Variants in AGO4 observed in about 807,000 individuals in gnomAD.
The protein encoded by AGO4 is protein argonaute-4.
AGO4 carries 33 observed loss-of-function variants against 104.7 expected under a neutral mutation model. That is an observed-to-expected ratio of 0.32 (90% CI 0.24 to 0.42). The LOEUF (loss-of-function observed/expected upper bound fraction) is 0.42. Ranked by LOEUF, AGO4 falls within the 10% of genes least tolerant of loss-of-function variation. AGO4 has a pLI of 1.00. For missense variants in AGO4, 711 were observed against 1,083.4 expected, an observed-to-expected ratio of 0.66 and a Z score of 4.83; for synonymous variants, 331 against 364.7, an observed-to-expected ratio of 0.91 and a Z score of 1.05.
chr1:35,852,582 C>T (rs1447175341), intron 17 of AGO4, among the ~76,000 whole-genome samples: 2 of 152,188 alleles, frequency 1.3e-5, no homozygotes, highest in African/African-American at 4.8e-5. Flanking sequence ...ATTCATTCAA[C>T]TAATGGTTTA....
intron 13 of AGO4, among the ~76,000 whole-genome samples, chr1:35,837,339 C>T (rs1644337089): frequency 6.6e-6 from 1 of 151,512 alleles, no homozygotes; most frequent in Non-Finnish European, 1.5e-5. Context: ...CTACCTCAGC[C>T]TCCCAAAGTG....
rs752929980 is a variant in AGO4 at position 35,825,279 on chromosome 1, A to T, written c.307-34A>T. On this transcript the variant is annotated intron_variant, in intron 3 of 17. Coordinates refer to ENST00000373210, the MANE Select transcript of AGO4 (RefSeq NM_017629.4). ...GATCTTTCCCACAGCCATTGTAAAC[A>T]TTTGTGTTTGTATTCATGTATTTTT... 2.5e-6 allele frequency: 4 copies of T among 1,601,000 alleles called. No homozygotes were observed. In the South Asian group the frequency reaches 4.4e-5, roughly 18 times the overall value.
At chr1:35,843,719 C>T (rs1036668094) in intron 15 of AGO4, among the ~76,000 whole-genome samples, 8 of 152,144 alleles carry the variant, frequency 5.3e-5, no homozygotes, top group Non-Finnish European at 1.0e-4. Context: ...TCTTGCCTGA[C>T]CTCTGGGCAC....
chr1:35,822,817 C>A (rs373881021), intron 2 of AGO4, 45 bp from the exon 3 acceptor site: 103 of 1,608,300 alleles, frequency 6.4e-5, no homozygotes, highest in Middle Eastern at 5.0e-4. Context: ...TCTTACTGTT[C>A]ACCATTTCTG....
In AGO4 at chr1:35,855,696, A is replaced by G. The variant is rs185979298; in HGVS notation, c.*2091A>G. ...GCAAATACCTCACTTGGATAATACA[A>G]ATCAGGACATGTTGGTGAGGGGCTG... On this transcript the variant is annotated 3_prime_UTR_variant, in exon 18 of 18. Coordinates refer to ENST00000373210, the MANE Select transcript of AGO4 (RefSeq NM_017629.4). 1 of 151,592 alleles carries G rather than the reference A, an allele frequency of 6.6e-6. No homozygotes were observed. The highest frequency in any genetic ancestry group is 2.4e-5 in the African/African-American group (1 of 41,260). The allele number at this position is 151,592 out of a possible 1,614,324, so 9.4% of individuals were successfully genotyped here.
At chr1:35,817,164 GTTTCTTAATAGCAGGT>G in intron 2 of AGO4, 117 bp downstream of exon 2, 1 of 1,119,346 alleles carries the variant, frequency 8.9e-7, no homozygotes, top group Non-Finnish European at 1.2e-6. Context: ...AAGATGATAG[GTTTCTTAATAGCAGGT>G]TTGCTGTCTC....
At chr1:35,844,663 C>T (rs1644526025) in intron 15 of AGO4, among the ~76,000 whole-genome samples, 1 of 152,164 alleles carries the variant, frequency 6.6e-6, no homozygotes, top group African/African-American at 2.4e-5. Context: ...TGCCCCCATC[C>T]TGTGCTTTCA....
chr1:35,825,840 A>G lies in AGO4; in HGVS notation c.625+25A>G, dbSNP rs372001765. On this transcript the variant is annotated intron_variant, in intron 5 of 17. Coordinates refer to ENST00000373210, the MANE Select transcript of AGO4 (RefSeq NM_017629.4). ...GGTAGGATGGAACTCTCTTTATCCA[A>G]TAACTCTTTGGGCTGGTTTTTGTTT... 1.3e-4 allele frequency: 206 copies of G among 1,590,334 alleles called. 2 individuals are homozygous for G. The highest frequency in any genetic ancestry group is 1.7e-4 in the Non-Finnish European group (194 of 1,169,096).
rs976296102 is a variant in AGO4 at position 35,841,815 on chromosome 1, T to C, written c.2175+65T>C. On this transcript the variant is annotated intron_variant, in intron 15 of 17. Coordinates refer to ENST00000373210, the MANE Select transcript of AGO4 (RefSeq NM_017629.4). This position sits in a 1 kb window ranked among gnomAD's most constrained non-coding sequence, Gnocchi z 4.7. Reference sequence around the variant, plus strand: ...GGCAAGAGATGTATATATGCACATATATATATATATATATATATATATACA... The same window carrying C: ...GGCAAGAGATGTATATATGCACATACATATATATATATATATATATATACA... 1.3e-4 allele frequency: 30 copies of C among 226,566 alleles called. No homozygotes were observed. Among genetic ancestry groups the C allele is most frequent in the East Asian group, 1.2e-3 (1 of 830 alleles). 14.0% of individuals were successfully genotyped at this position (226,566 alleles called of 1,614,324 possible). A position where few individuals can be genotyped will look rare whatever the true frequency, so the allele number is the denominator to read the frequency against.
rs894640087 is a variant in AGO4 at position 35,808,480 on chromosome 1, C to A, written c.19+45C>A. The A allele has an allele frequency of 1.8e-5, 21 of 1,180,468 alleles. No homozygotes were observed. In the East Asian group the frequency reaches 7.6e-4, roughly 43 times the overall value. The allele number at this position is 1,180,468 out of a possible 1,614,324, so 73.1% of individuals were successfully genotyped here. A position where few individuals can be genotyped will look rare whatever the true frequency, so the allele number is the denominator to read the frequency against. ...CGGGGCGGGACCCGGGACCCGGGAC[C>A]CGGGGCGGGCGGCCGGGACTTTCGC... On this transcript the variant is annotated intron_variant, in intron 1 of 17. Transcript: ENST00000373210. This position sits in a 1 kb window ranked among gnomAD's most constrained non-coding sequence, Gnocchi z 5.2.
At chr1:35,810,907 G>A (rs181497121) in intron 1 of AGO4, among the ~76,000 whole-genome samples, 47 of 152,212 alleles carry the variant, frequency 3.1e-4, no homozygotes, top group Admixed American at 3.3e-4. Context: ...TGAGGTGGGC[G>A]GATCATTTGC....
intron 1 of AGO4, among the ~76,000 whole-genome samples, chr1:35,810,435 A>G (rs1289902595): frequency 1.3e-5 from 2 of 152,112 alleles, no homozygotes; most frequent in East Asian, 1.9e-4. Context: ...GTCTTGTTCT[A>G]TCCCTCCCTG....
Position 35,856,924 on chromosome 1 carries a change from GT to G in AGO4, c.*3322del, listed in dbSNP as rs1421636518. 1 of 151,872 alleles carries G rather than the reference GT, an allele frequency of 6.6e-6. No homozygotes were observed. Among genetic ancestry groups the G allele is most frequent in the East Asian group, 1.9e-4 (1 of 5,198 alleles). 9.4% of individuals were successfully genotyped at this position (151,872 alleles called of 1,614,324 possible). ...GTTCTTAGCTGTTGAATCCTGAATG[GT>G]TTATAAAGTGAACTAGCTGGCTTAA... On this transcript the variant is annotated 3_prime_UTR_variant, in exon 18 of 18. Coordinates refer to ENST00000373210, the MANE Select transcript of AGO4 (RefSeq NM_017629.4).
At chr1:35,826,129 G>C in intron 6 of AGO4, 69 bp downstream of exon 6, 1 of 1,584,432 alleles carries the variant, frequency 6.3e-7, no homozygotes, top group Non-Finnish European at 8.6e-7. Context: ...GTGCTCTGGA[G>C]TCACACAGAC....
intron 1 of AGO4, 110 bp from the exon 2 acceptor site, chr1:35,816,772 C>T: frequency 7.8e-7 from 1 of 1,276,248 alleles, no homozygotes. Flanking sequence ...GCACTCCACC[C>T]TGGGTGAAAG....
intron 1 of AGO4, among the ~76,000 whole-genome samples, chr1:35,813,651 A>G (rs1173262932): frequency 6.6e-6 from 1 of 151,628 alleles, no homozygotes; most frequent in African/African-American, 2.4e-5. Flanking sequence ...CTGGAGGCTG[A>G]GGTGGGAGGA....
chr1:35,809,665 A>G (rs1643434706), intron 1 of AGO4, among the ~76,000 whole-genome samples: 1 of 152,240 alleles, frequency 6.6e-6, no homozygotes, highest in Non-Finnish European at 1.5e-5. Flanking sequence ...CCCCTGGCTA[A>G]AGACATGCTC....
chr1:35,818,201 C>T (rs1358142228), intron 2 of AGO4, among the ~76,000 whole-genome samples: 5 of 151,844 alleles, frequency 3.3e-5, no homozygotes, highest in Non-Finnish European at 5.9e-5. Flanking sequence ...TATACACACA[C>T]GTATGTATAT....
chr1:35,840,629 T>C (rs1461996437), intron 13 of AGO4, among the ~76,000 whole-genome samples: 1 of 152,132 alleles, frequency 6.6e-6, no homozygotes, highest in Non-Finnish European at 1.5e-5. Flanking sequence ...AAGGTCTTAC[T>C]CTGTCACCCA....
Sources: gnomAD v4.1 joint callset for allele counts (sites outside exome capture counted in the v4.1 genomes callset) on GRCh38, gnomAD v4.1.1 for gene constraint, Gnocchi (gnomAD v3.1) non-coding constraint, MANE v1.5 for transcripts, NCBI Gene and HGNC (gene_info 2026-07-23, HGNC 2026-07-21) for gene names.